Variants in NCAM2 observed in about 807,000 individuals in gnomAD.
NCAM2 encodes the protein N-CAM-2.
A neutral mutation model predicts 98.1 loss-of-function variants in NCAM2; 30 were observed. The ratio of observed to expected loss-of-function variants is 0.31; its 90% CI spans 0.23 to 0.41. NCAM2 has a LOEUF of 0.41. NCAM2 is among the 10% of genes least tolerant of loss of function. The probability of loss-of-function intolerance (pLI) is 1.00; values close to 1 mark genes in which losing one functional copy is unlikely to be tolerated. For missense variants in NCAM2, 867 were observed against 1,005.8 expected, an observed-to-expected ratio of 0.86 and a Z score of 1.87; for synonymous variants, 368 against 342.4, an observed-to-expected ratio of 1.07 and a Z score of -0.83.
chr21:21,348,516 A>G (rs1025195743), intron 8 of NCAM2, among the ~76,000 whole-genome samples: 1 of 152,120 alleles, frequency 6.6e-6, no homozygotes, highest in Non-Finnish European at 1.5e-5. Flanking sequence ...TAAAATGTCC[A>G]TATTACCCAA....
At chr21:21,260,668 G>T (rs7280526) in intron 1 of NCAM2, among the ~76,000 whole-genome samples, 77 of 152,066 alleles carry the variant, frequency 5.1e-4, no homozygotes, top group African/African-American at 1.8e-3. Flanking sequence ...AAGGAAATTT[G>T]TCACCACCAG....
intron 1 of NCAM2, among the ~76,000 whole-genome samples, chr21:21,127,822 A>G (rs907019691): frequency 6.6e-6 from 1 of 152,142 alleles, no homozygotes; most frequent in Non-Finnish European, 1.5e-5. Context: ...TTGTGTATAT[A>G]TACGTATATA....
At chr21:21,281,584 A>G (rs1214576500) in intron 2 of NCAM2, among the ~76,000 whole-genome samples, 1 of 152,128 alleles carries the variant, frequency 6.6e-6, no homozygotes, top group Admixed American at 6.5e-5. Context: ...AGTTTAATCA[A>G]ACATATTATA....
At chr21:21,254,981 A>G (rs564428277) in intron 1 of NCAM2, among the ~76,000 whole-genome samples, 3 of 142,392 alleles carry the variant, frequency 2.1e-5, no homozygotes, top group African/African-American at 8.3e-5. Flanking sequence ...GTGTGTGTGT[A>G]TAATGTTTAT....
intron 12 of NCAM2, among the ~76,000 whole-genome samples, chr21:21,435,397 A>G (rs893882800): frequency 8.6e-5 from 13 of 152,016 alleles, no homozygotes; most frequent in African/African-American, 3.1e-4. Flanking sequence ...CACCTCTTGG[A>G]CTTACCTTCA....
In NCAM2 at chr21:21,432,299, A is replaced by G; in HGVS notation, c.1654+18A>G. ...AGTTCAAAGTGAGTCAACAATTTCAAAATGTGTTGGTTAATTCAAGCTGAT... is the reference window on the plus strand; with the variant it reads ...AGTTCAAAGTGAGTCAACAATTTCAGAATGTGTTGGTTAATTCAAGCTGAT... On this transcript the variant is annotated intron_variant, in intron 12 of 17. Transcript: ENST00000400546. The G allele has an allele frequency of 6.2e-7, 1 of 1,609,820 alleles. No individual in the cohort carries two copies. Among genetic ancestry groups the G allele is most frequent in the Non-Finnish European group, 8.5e-7 (1 of 1,176,916 alleles).
chr21:21,029,641 T>A (rs1008499746), intron 1 of NCAM2, among the ~76,000 whole-genome samples: 18 of 152,202 alleles, frequency 1.2e-4, no homozygotes, highest in Non-Finnish European at 5.9e-5. Flanking sequence ...ATTTATTTTT[T>A]ATTTTTTTGA....
At chr21:21,253,756 A>G (rs1271260484) in intron 1 of NCAM2, among the ~76,000 whole-genome samples, 1 of 152,218 alleles carries the variant, frequency 6.6e-6, no homozygotes, top group Non-Finnish European at 1.5e-5. Flanking sequence ...TTTACACTAG[A>G]AAAGTATTCA....
chr21:21,163,657 T>A (rs1165763977), intron 1 of NCAM2, among the ~76,000 whole-genome samples: 1 of 152,172 alleles, frequency 6.6e-6, no homozygotes, highest in African/African-American at 2.4e-5. Flanking sequence ...TAGTTTCTTG[T>A]TTGTACTTTT....
chr21:21,046,145 A>G (rs1322813841), intron 1 of NCAM2, among the ~76,000 whole-genome samples: 1 of 152,210 alleles, frequency 6.6e-6, no homozygotes, highest in East Asian at 1.9e-4. Context: ...TGATCTCTAT[A>G]GCTGTTACCC....
At chr21:21,103,333 A>G (rs2066282559) in intron 1 of NCAM2, among the ~76,000 whole-genome samples, 1 of 152,058 alleles carries the variant, frequency 6.6e-6, no homozygotes, top group Non-Finnish European at 1.5e-5. Flanking sequence ...CTGCAATTAA[A>G]CTCAGGAAAC....
intron 15 of NCAM2, among the ~76,000 whole-genome samples, chr21:21,502,558 G>T (rs932601486): frequency 6.6e-6 from 1 of 151,736 alleles, no homozygotes; most frequent in Non-Finnish European, 1.5e-5. Context: ...GTATGTATTT[G>T]CTATAGACTT....
intron 10 of NCAM2, among the ~76,000 whole-genome samples, chr21:21,411,105 T>TATATATGTGTATATATATACACAC (rs1602257538): frequency 0.04 from 225 of 5,572 alleles, 38 homozygotes; most frequent in East Asian, 0.13. Context: ...TATATATACA[T>TATATATGTGTATATATATACACAC]ATATATGTAT....
intron 1 of NCAM2, among the ~76,000 whole-genome samples, chr21:21,140,323 T>A (rs1601477197): frequency 6.6e-6 from 1 of 152,248 alleles, no homozygotes; most frequent in Middle Eastern, 3.4e-3. Context: ...GCTAAACATT[T>A]CTATTTTGGT....
chr21:21,510,918 G>T (rs1047950299), intron 16 of NCAM2, among the ~76,000 whole-genome samples: 6 of 151,864 alleles, frequency 4.0e-5, no homozygotes, highest in African/African-American at 1.5e-4. Context: ...CTCCTTTCCT[G>T]TCCCTATTCA....
chr21:21,015,771 T>G (rs2064294950), intron 1 of NCAM2, among the ~76,000 whole-genome samples: 1 of 152,194 alleles, frequency 6.6e-6, no homozygotes, highest in African/African-American at 2.4e-5. Context: ...TGGCACGATC[T>G]CGGCTCACTG....
At chr21:21,455,869 A>C (rs2146164675) in intron 12 of NCAM2, among the ~76,000 whole-genome samples, 1 of 152,164 alleles carries the variant, frequency 6.6e-6, no homozygotes, top group African/African-American at 2.4e-5. Context: ...AATAACAAGC[A>C]ATTTATTAGA....
At chr21:21,311,692 T>C (rs2074059656) in intron 5 of NCAM2, among the ~76,000 whole-genome samples, 1 of 152,134 alleles carries the variant, frequency 6.6e-6, no homozygotes, top group Non-Finnish European at 1.5e-5. Context: ...CGTTATCAGA[T>C]CCTTGTAGTT....
chr21:21,061,389 C>T (rs1214111806), intron 1 of NCAM2, among the ~76,000 whole-genome samples: 2 of 152,102 alleles, frequency 1.3e-5, no homozygotes, highest in Non-Finnish European at 2.9e-5. Flanking sequence ...TAGTTTGTTC[C>T]TGTTTTAATG....
Sources: gnomAD v4.1 joint callset for allele counts (sites outside exome capture counted in the v4.1 genomes callset) on GRCh38, gnomAD v4.1.1 for gene constraint, MANE v1.5 for transcripts, NCBI Gene and HGNC (gene_info 2026-07-23, HGNC 2026-07-21) for gene names.